The following SLC19A3 variants were observed in gnomAD, a reference collection of about 807,000 sequenced individuals.
SLC19A3 encodes thiamine transporter 2.
SLC19A3 carries 31 observed loss-of-function variants against 40.2 expected under a neutral mutation model. The observed-to-expected ratio is 0.77, with a 90% CI of 0.58 to 1.04. SLC19A3 has a LOEUF of 1.04. Ranked by LOEUF, SLC19A3 falls within the 50% of genes least tolerant of loss-of-function variation. The pLI is 0.00. For missense variants in SLC19A3, 592 were observed against 596.7 expected (o/e 0.99, Z 0.08); for synonymous variants, 212 against 227.5 (o/e 0.93, Z 0.61).
In SLC19A3 at chr2:227,699,295, G is replaced by A. The variant is rs1269159709; in HGVS notation, c.420C>T (p.Ser140=). 5 of 1,614,124 alleles carry A rather than the reference G, an allele frequency of 3.1e-6. No individual in the cohort carries two copies. The highest frequency in any genetic ancestry group is 3.4e-6 in the Non-Finnish European group (4 of 1,180,036). The part of the protein sequence containing the change: ...VVSPEHYQRV[S]GYCRSVTLAA... Reference sequence around the variant, plus strand: ...CCAGCGTGACGCTCCTGCAGTAGCCGCTCACTCTCTGGTAGTGCTCGGGGC... The same window carrying A: ...CCAGCGTGACGCTCCTGCAGTAGCCACTCACTCTCTGGTAGTGCTCGGGGC... The change falls in exon 3 of 6, where the codon AGC becomes AGT. Residue 140 remains serine (S), a synonymous_variant. Transcript: ENST00000644224.
In SLC19A3 at chr2:227,703,511, G is replaced by C. The variant is rs1283771913; in HGVS notation, c.-2-1191C>G. ...GATTAAGCAGTGGAGAGACAAGAGCGATCAGATTTTGAAACTAGGATTACA... is the reference window on the plus strand; with the variant it reads ...GATTAAGCAGTGGAGAGACAAGAGCCATCAGATTTTGAAACTAGGATTACA... On this transcript the variant is annotated intron_variant, in intron 1 of 5. Coordinates refer to ENST00000644224, the MANE Select transcript of SLC19A3 (RefSeq NM_025243.4). This position sits in a 1 kb window ranked among gnomAD's most constrained non-coding sequence, Gnocchi z 4.7. 6.6e-6 allele frequency among the ~76,000 whole-genome samples: 1 copy of C among 152,156 alleles called. No individual in the cohort carries two copies. Among genetic ancestry groups the C allele is most frequent in the African/African-American group, 2.4e-5 (1 of 41,438 alleles).
At chr2:227,696,140 A>T in intron 3 of SLC19A3, 59 bp from the exon 4 acceptor site, 1 of 1,535,792 alleles carries the variant, frequency 6.5e-7, no homozygotes, top group Non-Finnish European at 9.0e-7. Context: ...GAAAATATCA[A>T]CACCCTCTCT....
At chr2:227,699,916 T>G (rs1695613644) in intron 2 of SLC19A3, among the ~76,000 whole-genome samples, 1 of 152,086 alleles carries the variant, frequency 6.6e-6, no homozygotes. Context: ...CTTGCTCAGC[T>G]GCCCAGGCTG....
chr2:227,695,549 T>C (rs573542225), intron 4 of SLC19A3: 6,968 of 314,322 alleles, frequency 0.022, 457 homozygotes, highest in African/African-American at 0.14. Context: ...CTGCATTGAG[T>C]CCTGATCGTG....
rs1019151049 is a variant in SLC19A3, at chr2:227,686,928, G to T, written c.*469C>A. On this transcript the variant is annotated 3_prime_UTR_variant, in exon 6 of 6. Coordinates refer to ENST00000644224, the MANE Select transcript of SLC19A3 (RefSeq NM_025243.4). ...TTAAACAGAAATACACTTAATAGAA[G>T]AGGAAAGAAAATGGTTCATGTGACA... 2 of 153,986 alleles carry T rather than the reference G, an allele frequency of 1.3e-5. No homozygotes were observed. The highest frequency in any genetic ancestry group is 2.9e-5 in the Non-Finnish European group (2 of 69,342). 9.5% of individuals were successfully genotyped at this position (153,986 alleles called of 1,614,324 possible). A position where few individuals can be genotyped will look rare whatever the true frequency, so the allele number is the denominator to read the frequency against.
At chr2:227,713,823 G>A (rs78598065) in intron 1 of SLC19A3, among the ~76,000 whole-genome samples, 2,814 of 151,780 alleles carry the variant, frequency 0.019, 95 homozygotes, top group African/African-American at 0.065. Context: ...ACAAATCACT[G>A]ATACACGGAA....
chr2:227,715,103 A>G (rs1696287847), intron 1 of SLC19A3, among the ~76,000 whole-genome samples: 1 of 152,064 alleles, frequency 6.6e-6, no homozygotes, highest in African/African-American at 2.4e-5. Flanking sequence ...TACAGGTGTG[A>G]GCCGCCGTGC....
Position 227,689,650 on chromosome 2 carries a change from A to G in SLC19A3, c.1173-1343T>C, listed in dbSNP as rs577047599. On this transcript the variant is annotated intron_variant, in intron 4 of 5. Transcript: ENST00000644224. ...AAGAAAAGGACGTTCATGCGCAATA[A>G]GAAAACATGTAAAGGCACAAAACTC... Among the ~76,000 whole-genome samples, 70 of 152,350 alleles carry G rather than the reference A, an allele frequency of 4.6e-4. 1 individual carries two copies. Among genetic ancestry groups the G allele is most frequent in the African/African-American group, 1.7e-3 (69 of 41,584 alleles).
intron 1 of SLC19A3, among the ~76,000 whole-genome samples, chr2:227,707,071 G>A (rs1458262654): frequency 6.6e-6 from 1 of 152,156 alleles, no homozygotes; most frequent in Admixed American, 6.5e-5. Context: ...TCTCCCTGCT[G>A]CACCTGCACG....
intron 1 of SLC19A3, among the ~76,000 whole-genome samples, chr2:227,706,141 C>T (rs1695932095): frequency 6.6e-6 from 1 of 152,136 alleles, no homozygotes; most frequent in African/African-American, 2.4e-5. Context: ...AGGATCACTT[C>T]CTCCACAACA....
chr2:227,688,720 C>T (rs1225444593), intron 4 of SLC19A3, among the ~76,000 whole-genome samples: 1 of 152,180 alleles, frequency 6.6e-6, no homozygotes, highest in Admixed American at 6.6e-5. Flanking sequence ...TACCCTGACA[C>T]TGATGAACAT....
chr2:227,717,163 C>T (rs1433468645), intron 1 of SLC19A3, among the ~76,000 whole-genome samples: 5 of 151,912 alleles, frequency 3.3e-5, no homozygotes, highest in Admixed American at 3.3e-4. Flanking sequence ...CCACCATGCC[C>T]GGCTAATTTT....
At chr2:227,702,512 G>A in intron 1 of SLC19A3, 192 bp from the exon 2 acceptor site, 1 of 575,640 alleles carries the variant, frequency 1.7e-6, no homozygotes, top group Admixed American at 2.9e-5. Context: ...TCCTGCCTCA[G>A]CCTCCCAAGT....
Position 227,687,637 on chromosome 2 carries a change from C to T in SLC19A3, c.1315-64G>A, listed in dbSNP as rs185401751. ...ACCATCTATGTCAATGATAATACATCCTAATACTGTTGGTTTGCTTGGATT... is the reference window on the plus strand; with the variant it reads ...ACCATCTATGTCAATGATAATACATTCTAATACTGTTGGTTTGCTTGGATT... On this transcript the variant is annotated intron_variant, in intron 5 of 5. Transcript: ENST00000644224. 2.6e-3 allele frequency: 3,969 copies of T among 1,546,890 alleles called. 77 individuals carry two copies. The Admixed American group carries it at 0.037, about 14-fold the overall frequency.
chr2:227,706,501 T>C (rs1339010242), intron 1 of SLC19A3: 3 of 1,214,162 alleles, frequency 2.5e-6, no homozygotes, highest in African/African-American at 1.6e-5. Context: ...CTGGGTGTAG[T>C]GGCTCATGCT....
Position 227,696,790 on chromosome 2 carries a change from G to A in SLC19A3, c.980-709C>T, listed in dbSNP as rs531037812. Reference sequence around the variant, plus strand: ...AAAGGTAAAAGGTATTTAGGGCTGGGGACAGTGGCGCACTCCTGTAATCCC... The same window carrying A: ...AAAGGTAAAAGGTATTTAGGGCTGGAGACAGTGGCGCACTCCTGTAATCCC... On this transcript the variant is annotated intron_variant, in intron 3 of 5. Transcript: ENST00000644224. 2.5e-4 allele frequency among the ~76,000 whole-genome samples: 38 copies of A among 152,272 alleles called. 1 individual carries two copies. Among genetic ancestry groups the A allele is most frequent in the Admixed American group, 5.2e-4 (8 of 15,282 alleles).
chr2:227,691,676 T>C (rs1473904549), intron 4 of SLC19A3, among the ~76,000 whole-genome samples: 1 of 151,990 alleles, frequency 6.6e-6, no homozygotes, highest in Non-Finnish European at 1.5e-5. Context: ...CATAAAGAAC[T>C]AGAAAAGTAA....
Position 227,684,658 on chromosome 2 carries a change from C to G in SLC19A3, c.*2739G>C, listed in dbSNP as rs1489811652. ...TTTCTTGTTTGTCTAATTGTGATGC[C>G]TAATGCCTCCAGAATAATAAGTTAA... On this transcript the variant is annotated 3_prime_UTR_variant, in exon 6 of 6. Transcript: ENST00000644224. 1 of 152,082 alleles carries G rather than the reference C, an allele frequency of 6.6e-6. No homozygotes were observed. The highest frequency in any genetic ancestry group is 1.5e-5 in the Non-Finnish European group (1 of 68,102). 9.4% of individuals were successfully genotyped at this position (152,082 alleles called of 1,614,324 possible). A position where few individuals can be genotyped will look rare whatever the true frequency, so the allele number is the denominator to read the frequency against.
Position 227,687,086 on chromosome 2 carries a change from G to A in SLC19A3, c.*311C>T. On this transcript the variant is annotated 3_prime_UTR_variant, in exon 6 of 6. Coordinates refer to ENST00000644224, the MANE Select transcript of SLC19A3 (RefSeq NM_025243.4). ...CCAGGATGGCTGGAGTTTTCTCATG[G>A]TTTGGTTCCACGCCATCTGCATGTC... 1 of 232,438 alleles carries A rather than the reference G, an allele frequency of 4.3e-6. No individual in the cohort carries two copies. Among genetic ancestry groups the A allele is most frequent in the Non-Finnish European group, 8.4e-6 (1 of 118,588 alleles). 14.4% of individuals were successfully genotyped at this position (232,438 alleles called of 1,614,324 possible). A position where few individuals can be genotyped will look rare whatever the true frequency, so the allele number is the denominator to read the frequency against.
Sources: gnomAD v4.1 joint callset for allele counts (sites outside exome capture counted in the v4.1 genomes callset) on GRCh38, gnomAD v4.1.1 for gene constraint, Gnocchi (gnomAD v3.1) non-coding constraint, MANE v1.5 for transcripts, NCBI Gene and HGNC (gene_info 2026-07-23, HGNC 2026-07-21) for gene names.